Variants in IL18RAP observed in about 807,000 individuals in gnomAD.
IL18RAP encodes the protein interleukin 18 receptor accessory protein, also known as interleukin-18 receptor accessory protein.
In IL18RAP, 37 loss-of-function variants were observed where a neutral mutation model predicts 58.1. The observed-to-expected ratio is 0.64, with a 90% CI of 0.49 to 0.84. IL18RAP has a LOEUF of 0.84. Among genes scored for constraint, IL18RAP ranks in the 40% least tolerant of loss-of-function variants. The pLI is 0.00. For missense variants in IL18RAP, 667 were observed against 704.8 expected (o/e 0.95, Z 0.61); for synonymous variants, 268 against 257.5 (o/e 1.04, Z -0.39).
Position 102,423,245 on chromosome 2 carries a change from T to G in IL18RAP, c.-33T>G, listed in dbSNP as rs1473742908. On this transcript the variant is annotated 5_prime_UTR_variant, in exon 1 of 10. Transcript: ENST00000687160. ...ACTCTACTCTGGCAAAGGAATGAAG[T>G]TATTGGAGTGATGACAGGAACACGG... 3 of 1,602,024 alleles carry G rather than the reference T, an allele frequency of 1.9e-6. No individual in the cohort carries two copies. The South Asian group carries it at 3.3e-5, about 18-fold the overall frequency.
intron 1 of IL18RAP, 145 bp downstream of exon 1, chr2:102,423,492 G>A (rs1255633206): frequency 5.1e-6 from 4 of 784,582 alleles, no homozygotes; most frequent in South Asian, 3.1e-5. Context: ...AGAATTATTA[G>A]GGTGAACAGC....
chr2:102,433,385 G>C (rs996276140), intron 3 of IL18RAP, among the ~76,000 whole-genome samples: 1 of 152,146 alleles, frequency 6.6e-6, no homozygotes, highest in African/African-American at 2.4e-5. Flanking sequence ...ACTGCACCCA[G>C]CTAATTTTAA....
chr2:102,451,672 C>T (rs1683774827), intron 9 of IL18RAP, 94 bp from the exon 10 acceptor site: 3 of 1,024,276 alleles, frequency 2.9e-6, no homozygotes, highest in African/African-American at 1.6e-5. Flanking sequence ...AACATGTCTC[C>T]CTTCCTCCTT....
intron 3 of IL18RAP, among the ~76,000 whole-genome samples, chr2:102,429,909 T>C (rs1387002059): frequency 3.9e-5 from 6 of 152,046 alleles, no homozygotes; most frequent in Non-Finnish European, 8.8e-5. Flanking sequence ...TCTACCTTTA[T>C]GCCTTTGTAG....
rs1423196478 is a variant in IL18RAP, at chr2:102,424,250, T to A, written c.415T>A (p.Cys139Ser). Residue 139 changes from cysteine (C) to serine (S), a missense_variant, in exon 3 of 10, where the codon TGT becomes AGT. Coordinates refer to ENST00000687160, the MANE Select transcript of IL18RAP (RefSeq NM_001393487.1). ...KMIKSPYDVA[C>S]CVKMILEVKP... ...TCCTAGGAGCCCCTATGATGTAGCC[T>A]GTTGTGTCAAGATGATTTTAGAAGT... is the stretch of plus-strand genomic sequence containing the variant. 6 of 1,614,086 alleles carry A rather than the reference T, an allele frequency of 3.7e-6. No individual in the cohort carries two copies. The highest frequency in any genetic ancestry group is 5.1e-6 in the Non-Finnish European group (6 of 1,179,974).
In IL18RAP at chr2:102,424,218, G is replaced by T. The variant is rs767210287; in HGVS notation, c.396-13G>T. The T allele has an allele frequency of 6.2e-7, 1 of 1,613,098 alleles. No individual in the cohort carries two copies. The highest frequency in any genetic ancestry group is 8.5e-7 in the Non-Finnish European group (1 of 1,179,518). On this transcript the variant is annotated splice_polypyrimidine_tract_variant and intron_variant, in intron 2 of 9. Transcript: ENST00000687160. ...AAAATATCTATGTTCACAGGATCTTGTTAATTTCCTAGGAGCCCCTATGAT... is the reference window on the plus strand; with the variant it reads ...AAAATATCTATGTTCACAGGATCTTTTTAATTTCCTAGGAGCCCCTATGAT...
chr2:102,444,821 C>T (rs1683314381), intron 6 of IL18RAP, among the ~76,000 whole-genome samples: 1 of 152,126 alleles, frequency 6.6e-6, no homozygotes, highest in Admixed American at 6.5e-5. Context: ...GAATGGAGGA[C>T]ATTAGAGTCC....
rs60082330 is a variant in IL18RAP, at chr2:102,435,843, A to AT, written c.580-1353dup. On this transcript the variant is annotated intron_variant, in intron 3 of 9. Transcript: ENST00000687160. ...TTTAAAAGTCCTTTGCAGTGTCTTCATTTTTTTTTTTTTTTTGCATGCCTC... is the reference window on the plus strand; with the variant it reads ...TTTAAAAGTCCTTTGCAGTGTCTTCATTTTTTTTTTTTTTTTTGCATGCCTC... 3.4e-3 allele frequency among the ~76,000 whole-genome samples: 469 copies of AT among 137,612 alleles called. 5 individuals carry two copies. Among genetic ancestry groups the AT allele is most frequent in the South Asian group, 7.2e-3 (31 of 4,318 alleles). 90.3% of individuals were successfully genotyped at this position (137,612 alleles called of 152,430 possible). A position where few individuals can be genotyped will look rare whatever the true frequency, so the allele number is the denominator to read the frequency against.
intron 3 of IL18RAP, among the ~76,000 whole-genome samples, chr2:102,433,560 CTCTT>C (rs1038819891): frequency 1.3e-5 from 2 of 149,760 alleles, no homozygotes; most frequent in South Asian, 2.1e-4. Flanking sequence ...TGGAATCTCT[CTCTT>C]TGTCGCCTAG....
At chr2:102,435,923 T>A (rs1251335361) in intron 3 of IL18RAP, among the ~76,000 whole-genome samples, 2 of 151,740 alleles carry the variant, frequency 1.3e-5, no homozygotes, top group Non-Finnish European at 2.9e-5. Context: ...TGGCGGATGT[T>A]CCTGTTTCCA....
upstream of IL18RAP, among the ~76,000 whole-genome samples, chr2:102,420,377 T>A (rs906582232): frequency 1.3e-5 from 2 of 152,142 alleles, no homozygotes; most frequent in African/African-American, 4.8e-5. Context: ...AAATCTGCAT[T>A]TGTAATAAGG....
At position 102,423,269 on chromosome 2, in the gene IL18RAP, G is replaced by T. The variant is rs755893405; in HGVS notation, c.-9G>T. On this transcript the variant is annotated 5_prime_UTR_variant, in exon 1 of 10. Coordinates refer to ENST00000687160, the MANE Select transcript of IL18RAP (RefSeq NM_001393487.1). ...GTTATTGGAGTGATGACAGGAACAC[G>T]GGAGAACAATGCTCTGTTTGGGCTG... The T allele has an allele frequency of 3.7e-6, 6 of 1,613,708 alleles. No homozygotes were observed. Among genetic ancestry groups the T allele is most frequent in the Non-Finnish European group, 5.1e-6 (6 of 1,179,648 alleles).
Position 102,451,782 on chromosome 2 carries a change from T to C in IL18RAP, c.1401T>C (p.Ile467=), listed in dbSNP as rs757804690. The C allele has an allele frequency of 7.9e-5, 128 of 1,611,594 alleles. No individual in the cohort carries two copies. In the East Asian group the frequency reaches 2.8e-3, roughly 35 times the overall value. The part of the protein sequence containing the change: ...VAPGGVYAED[I]VSIIKRSRRG... ...TATTTCCAGTGTATGCAGAAGACATTGTGAGCATTATTAAGAGAAGCAGAA... is the reference window on the plus strand; with the variant it reads ...TATTTCCAGTGTATGCAGAAGACATCGTGAGCATTATTAAGAGAAGCAGAA... The change falls in exon 10 of 10, where the codon ATT becomes ATC. Residue 467 remains isoleucine (I), a synonymous_variant. Coordinates refer to ENST00000687160, the MANE Select transcript of IL18RAP (RefSeq NM_001393487.1).
At chr2:102,433,337 C>T (rs539879065) in intron 3 of IL18RAP, among the ~76,000 whole-genome samples, 12 of 152,300 alleles carry the variant, frequency 7.9e-5, no homozygotes, top group Admixed American at 3.9e-4. Context: ...ATCCTCCAGC[C>T]TTAGCATCTC....
At chr2:102,443,553 T>C in intron 6 of IL18RAP, among the ~76,000 whole-genome samples, 1 of 152,168 alleles carries the variant, frequency 6.6e-6, no homozygotes, top group Non-Finnish European at 1.5e-5. Flanking sequence ...GTCAAGCTAT[T>C]GAGCAGACAG....
intron 3 of IL18RAP, among the ~76,000 whole-genome samples, chr2:102,436,223 G>C (rs188234984): frequency 1.4e-3 from 220 of 152,112 alleles, no homozygotes; most frequent in African/African-American, 4.8e-3. Context: ...TCTTAGTTAC[G>C]GCTCTGTGTC....
chr2:102,444,585 A>G (rs1683301569), intron 6 of IL18RAP, among the ~76,000 whole-genome samples: 1 of 152,238 alleles, frequency 6.6e-6, no homozygotes, highest in Non-Finnish European at 1.5e-5. Context: ...AAGATTTCTT[A>G]ACACAAAGAT....
At chr2:102,440,884 T>C (rs774616794) in intron 4 of IL18RAP, among the ~76,000 whole-genome samples, 4 of 152,212 alleles carry the variant, frequency 2.6e-5, no homozygotes, top group Non-Finnish European at 5.9e-5. Flanking sequence ...TATTTTGAAA[T>C]AAACCATGAG....
intron 8 of IL18RAP, among the ~76,000 whole-genome samples, chr2:102,448,129 A>G (rs937722648): frequency 1.3e-5 from 2 of 152,180 alleles, no homozygotes; most frequent in Admixed American, 6.5e-5. Flanking sequence ...TATGCCTGCC[A>G]TGTGTGTTAG....
Sources: gnomAD v4.1 joint callset for allele counts (sites outside exome capture counted in the v4.1 genomes callset) on GRCh38, gnomAD v4.1.1 for gene constraint, MANE v1.5 for transcripts, NCBI Gene and HGNC (gene_info 2026-07-23, HGNC 2026-07-21) for gene names.